The following ZNF232 variants were observed in gnomAD, a reference collection of about 807,000 sequenced individuals.
ZNF232 encodes the protein zinc finger and SCAN domain-containing protein 11.
A neutral mutation model predicts 25.2 loss-of-function variants in ZNF232; 25 were observed. The observed-to-expected ratio is 0.99, with a 90% CI of 0.72 to 1.39. The LOEUF is 1.39. ZNF232 is among the 40% of genes most tolerant of loss of function. The probability of loss-of-function intolerance (pLI) is 0.00; values close to 1 mark genes in which losing one functional copy is unlikely to be tolerated. For missense variants in ZNF232, 519 were observed against 520.9 expected (o/e 1.00, Z 0.04); for synonymous variants, 193 against 182.9 (o/e 1.06, Z -0.45).
chr17:5,120,261 G>T (rs1198484281), intron 1 of ZNF232, among the ~76,000 whole-genome samples: 3 of 152,164 alleles, frequency 2.0e-5, no homozygotes, highest in African/African-American at 4.8e-5. Flanking sequence ...CTGTGCTGTG[G>T]GGTTGGTGGT....
intron 3 of ZNF232, among the ~76,000 whole-genome samples, chr17:5,106,871 G>C (rs2072272807): frequency 1.3e-5 from 2 of 152,118 alleles, no homozygotes; most frequent in African/African-American, 2.4e-5. Flanking sequence ...AAACATGAAA[G>C]AATCATTAGG....
chr17:5,109,143 C>G, intron 2 of ZNF232, 91 bp from the exon 3 acceptor site: 1 of 1,566,802 alleles, frequency 6.4e-7, no homozygotes, highest in Non-Finnish European at 8.7e-7. Flanking sequence ...AGATGTGACC[C>G]TCCTTGGACC....
upstream of ZNF232, among the ~76,000 whole-genome samples, chr17:5,115,555 A>AACACACACACAC (rs61171102): frequency 0.013 from 1,943 of 148,750 alleles, 11 homozygotes; most frequent in Middle Eastern, 0.017. Context: ...CGTCTCCAAA[A>AACACACACACAC]ACACACACAC....
At chr17:5,111,869 G>A (rs759509949), upstream of ZNF232, 3 of 1,611,912 alleles carry the variant, frequency 1.9e-6, no homozygotes, top group African/African-American at 4.0e-5. Flanking sequence ...CACCCCAGGG[G>A]CAGGTTTGCG....
exon 2 of ZNF232, chr17:5,109,473 C>T (rs745929744): frequency 1.3e-5 from 21 of 1,613,982 alleles, no homozygotes; most frequent in South Asian, 9.9e-5. Context: ...GTGATGTCCC[C>T]GCACCCAGGA....
upstream of ZNF232, chr17:5,112,118 TGTAAGC>T (rs2072431162): frequency 7.3e-5 from 37 of 503,594 alleles, no homozygotes; most frequent in South Asian, 1.1e-3. Context: ...AGTGAGCCCT[TGTAAGC>T]GGGTGACTTC....
intron 1 of ZNF232, chr17:5,121,433 T>C: frequency 6.4e-6 from 2 of 313,108 alleles, no homozygotes; most frequent in South Asian, 5.9e-5. Context: ...AGCGGCAGGA[T>C]AGAGATATGG....
intron 1 of ZNF232, among the ~76,000 whole-genome samples, chr17:5,119,778 C>T (rs2072610568): frequency 6.6e-6 from 1 of 152,192 alleles, no homozygotes; most frequent in Non-Finnish European, 1.5e-5. Context: ...CTACAAGTGA[C>T]TCACAGCCAT....
chr17:5,108,502 G>A (rs1056841135), intron 3 of ZNF232, among the ~76,000 whole-genome samples: 1 of 151,604 alleles, frequency 6.6e-6, no homozygotes, highest in Non-Finnish European at 1.5e-5. Context: ...AAAGTGTTTT[G>A]CGAGGCCTCA....
At chr17:5,122,237 A>G (rs199659834) in intron 1 of ZNF232, among the ~76,000 whole-genome samples, 8 of 151,936 alleles carry the variant, frequency 5.3e-5, no homozygotes, top group Non-Finnish European at 7.4e-5. Context: ...GGTAAGCGTG[A>G]CTCACAGTCA....
upstream of ZNF232, among the ~76,000 whole-genome samples, chr17:5,112,547 G>T (rs1355350966): frequency 1.3e-5 from 2 of 151,590 alleles, no homozygotes; most frequent in Middle Eastern, 3.2e-3. Flanking sequence ...CGCCTCCCGG[G>T]TTCACGCCAT....
chr17:5,115,962 G>A (rs1016646351), upstream of ZNF232, among the ~76,000 whole-genome samples: 1 of 152,228 alleles, frequency 6.6e-6, no homozygotes, highest in African/African-American at 2.4e-5. Context: ...GGGTGCGTGC[G>A]CCGAAAGGGC....
chr17:5,106,547 G>A lies in ZNF232; in HGVS notation c.626-41C>T, dbSNP rs760061762. ...AATATACCTGTTCTGGATGTATGAA[G>A]AAATGACACTTAGATTAAAATGTAT... is the stretch of plus-strand genomic sequence containing the variant. On this transcript the variant is annotated intron_variant, in intron 3 of 3. Transcript: ENST00000575898. The A allele has an allele frequency of 1.0e-5, 16 of 1,560,020 alleles. No homozygotes were observed. In the East Asian group the frequency reaches 2.9e-4, roughly 29 times the overall value.
intron 1 of ZNF232, among the ~76,000 whole-genome samples, chr17:5,119,529 C>T (rs763394462): frequency 6.6e-5 from 10 of 152,212 alleles, no homozygotes; most frequent in Non-Finnish European, 1.3e-4. Flanking sequence ...ACCCCCTGGG[C>T]TGGGCCATGC....
At chr17:5,105,994 A>T in exon 4 of ZNF232, 2 of 1,614,110 alleles carry the variant, frequency 1.2e-6, no homozygotes, top group South Asian at 1.1e-5. Context: ...CACTCATTAC[A>T]CTCATAGGGC....
chr17:5,112,215 T>C (rs2072433828), upstream of ZNF232: 4 of 306,172 alleles, frequency 1.3e-5, no homozygotes, highest in South Asian at 1.5e-4. Context: ...TCTGGCCTTG[T>C]CCATGGCCTG....
At chr17:5,107,686 G>A (rs912358460) in intron 3 of ZNF232, among the ~76,000 whole-genome samples, 3 of 151,740 alleles carry the variant, frequency 2.0e-5, no homozygotes, top group Admixed American at 6.6e-5. Flanking sequence ...TTACAGGCGC[G>A]TATCACACCT....
chr17:5,122,668 C>T (rs1314301494), intron 1 of ZNF232, among the ~76,000 whole-genome samples: 1 of 152,206 alleles, frequency 6.6e-6, no homozygotes, highest in African/African-American at 2.4e-5. Flanking sequence ...CACAGCTCCG[C>T]CCTTCCCGGG....
At chr17:5,122,465 C>T (rs184896270) in intron 1 of ZNF232, among the ~76,000 whole-genome samples, 27 of 152,316 alleles carry the variant, frequency 1.8e-4, no homozygotes, top group African/African-American at 6.3e-4. Context: ...TTTTGCTCCC[C>T]GAAAAGGTTT....
Sources: allele counts gnomAD v4.1 joint callset (sites outside exome capture counted in the v4.1 genomes callset), GRCh38; gene constraint gnomAD v4.1.1; transcripts MANE v1.5; gene names NCBI Gene and HGNC (gene_info 2026-07-23, HGNC 2026-07-21).